Variants in POLR1C observed in about 807,000 individuals in gnomAD.
The protein encoded by POLR1C is RNA polymerase I and III subunit C, also known as DNA-directed RNA polymerases I and III subunit RPAC1.
Under a neutral mutation model 38.3 loss-of-function variants are expected in POLR1C, and 42 were observed. That is an observed-to-expected ratio of 1.10 (90% CI 0.86 to 1.42). The LOEUF is 1.42. Ranked by LOEUF, POLR1C falls within the 40% of genes most tolerant of loss-of-function variation. The probability of loss-of-function intolerance (pLI) is 0.00; values close to 1 mark genes in which losing one functional copy is unlikely to be tolerated. For missense variants in POLR1C, 507 were observed against 450.5 expected, an observed-to-expected ratio of 1.13 and a Z score of -1.14; for synonymous variants, 163 against 163.9, an observed-to-expected ratio of 0.99 and a Z score of 0.04.
At chr6:43,519,558 G>A (rs1561857087) in intron 3 of POLR1C, 118 bp downstream of exon 3, 4 of 1,426,736 alleles carry the variant, frequency 2.8e-6, no homozygotes, top group Admixed American at 3.4e-5. Context: ...GAATTTTGCT[G>A]AGCATTTTAC....
chr6:43,528,513 A>G (rs930018646), intron 8 of POLR1C, among the ~76,000 whole-genome samples: 1 of 152,144 alleles, frequency 6.6e-6, no homozygotes, highest in Non-Finnish European at 1.5e-5. Flanking sequence ...GCTTAATTCT[A>G]GAGTAAGGAT....
chr6:43,534,272 A>C (rs1794177923), downstream of POLR1C, among the ~76,000 whole-genome samples: 1 of 152,246 alleles, frequency 6.6e-6, no homozygotes, highest in African/African-American at 2.4e-5. Flanking sequence ...CAGAGTCCAA[A>C]GCTAGAAAGC....
Position 43,519,322 on chromosome 6 carries a change from T to C in POLR1C, c.142-11T>C, listed in dbSNP as rs973420103. ...CAGATTTCACTTAAATGTTTTTTCCTGTCCCTCTAGAATTTCCGTGTGGAT... is the reference window on the plus strand; with the variant it reads ...CAGATTTCACTTAAATGTTTTTTCCCGTCCCTCTAGAATTTCCGTGTGGAT... On this transcript the variant is annotated splice_polypyrimidine_tract_variant and intron_variant, in intron 2 of 8. Transcript: ENST00000642195. The C allele has an allele frequency of 3.2e-6, 5 of 1,538,736 alleles. No individual in the cohort carries two copies. The highest frequency in any genetic ancestry group is 2.7e-5 in the African/African-American group (2 of 73,474).
chr6:43,551,470 A>G (rs747822589), intron 10 of POLR1C: 1 of 1,607,400 alleles, frequency 6.2e-7, no homozygotes, highest in South Asian at 1.1e-5. Flanking sequence ...CAAAGACATA[A>G]AACAGGTTGA....
At position 43,521,297 on chromosome 6, in the gene POLR1C, C is replaced by T; in HGVS notation, c.1038C>T (p.Asp346=). The T allele has an allele frequency of 6.2e-7, 1 of 1,612,232 alleles. No individual in the cohort carries two copies. Among genetic ancestry groups the T allele is most frequent in the South Asian group, 1.1e-5 (1 of 90,994 alleles). The part of the protein sequence containing the change: ...FLDELDAVQM[D] The stretch of plus-strand genomic sequence containing the variant: ...ATGAACTAGATGCGGTTCAGATGGA[C>T]TGAGCTTGGATGCTTCTGAGGCAAG... Residue 346 remains aspartate, a synonymous_variant, in exon 9 of 9, where the codon GAC becomes GAT. Transcript: ENST00000642195.
intron 9 of POLR1C, chr6:43,548,118 G>T (rs1217128902): frequency 2.4e-6 from 2 of 844,116 alleles, no homozygotes; most frequent in Non-Finnish European, 3.5e-6. Context: ...AATTACAAAA[G>T]ACTGCTTTTA....
At chr6:43,523,880 G>C (rs1311443118), downstream of POLR1C, 9 of 1,614,036 alleles carry the variant, frequency 5.6e-6, no homozygotes, top group Non-Finnish European at 7.6e-6. Flanking sequence ...AGGGTTCAAA[G>C]ATGGTGGCCA....
downstream of POLR1C, chr6:43,525,614 T>G (rs1793535183): frequency 1.8e-6 from 1 of 564,274 alleles, no homozygotes; most frequent in African/African-American, 1.9e-5. Flanking sequence ...TCTGCATCAG[T>G]GTGCCTACTA....
chr6:43,534,133 G>T, downstream of POLR1C: 1 of 601,958 alleles, frequency 1.7e-6, no homozygotes, highest in Admixed American at 2.8e-5. Flanking sequence ...GCAGGGGAAA[G>T]AAAAGAAGGT....
chr6:43,552,052 C>T (rs1463074255), intron 10 of POLR1C, among the ~76,000 whole-genome samples: 1 of 152,162 alleles, frequency 6.6e-6, no homozygotes, highest in Non-Finnish European at 1.5e-5. Flanking sequence ...GATCAAGAGG[C>T]TGAATGTTTT....
intron 2 of POLR1C, 80 bp downstream of exon 2, chr6:43,517,457 G>A (rs1223479151): frequency 1.6e-6 from 2 of 1,242,258 alleles, no homozygotes; most frequent in African/African-American, 1.5e-5. Context: ...TGTCTCAGAA[G>A]CTGCTCTTGG....
downstream of POLR1C, among the ~76,000 whole-genome samples, chr6:43,521,831 CAG>C (rs568380940): frequency 2.7e-3 from 412 of 152,302 alleles, 1 homozygote; most frequent in African/African-American, 6.1e-3. Flanking sequence ...CCGCGAAAAA[CAG>C]GGGGCCTCAC....
At chr6:43,517,909 A>G (rs964467175) in intron 2 of POLR1C, among the ~76,000 whole-genome samples, 6 of 152,238 alleles carry the variant, frequency 3.9e-5, no homozygotes, top group East Asian at 1.9e-4. Context: ...CGTTTAGGCA[A>G]CTGACCTTTG....
At chr6:43,517,490 G>T in intron 2 of POLR1C, 113 bp downstream of exon 2, 1 of 880,582 alleles carries the variant, frequency 1.1e-6, no homozygotes, top group Non-Finnish European at 1.9e-6. Flanking sequence ...TTGTAAGTTT[G>T]TTGAGCAATG....
At chr6:43,520,805 G>A in intron 7 of POLR1C, 31 bp downstream of exon 7, 1 of 1,612,784 alleles carries the variant, frequency 6.2e-7, no homozygotes, top group Non-Finnish European at 8.5e-7. Context: ...TTCAAGTTAG[G>A]ACCTAAATTA....
intron 10 of POLR1C, among the ~76,000 whole-genome samples, chr6:43,557,783 TAAAAAAA>T (rs59661301): frequency 1.1e-5 from 1 of 87,230 alleles, no homozygotes; most frequent in African/African-American, 4.2e-5. Flanking sequence ...AATAAAGCTG[TAAAAAAA>T]AAAAAAAAAA....
chr6:43,526,226 G>C, downstream of POLR1C: 1 of 424,662 alleles, frequency 2.4e-6, no homozygotes, highest in Non-Finnish European at 4.3e-6. Flanking sequence ...TAGTTACTGG[G>C]GATAAAAGGT....
chr6:43,531,379 T>G (rs1001038623), downstream of POLR1C: 1 of 1,069,758 alleles, frequency 9.3e-7, no homozygotes, highest in Non-Finnish European at 1.4e-6. Flanking sequence ...AACTCTTGCC[T>G]CGCCTTACCT....
downstream of POLR1C, among the ~76,000 whole-genome samples, chr6:43,532,360 T>C (rs1794038543): frequency 6.6e-6 from 1 of 152,300 alleles, no homozygotes; most frequent in South Asian, 2.1e-4. Context: ...TGCCATTGGA[T>C]TGCTTGACCA....
Sources: gnomAD v4.1 joint callset for allele counts (sites outside exome capture counted in the v4.1 genomes callset) on GRCh38, gnomAD v4.1.1 for gene constraint, MANE v1.5 for transcripts, NCBI Gene and HGNC (gene_info 2026-07-23, HGNC 2026-07-21) for gene names.